Variants in EPB41L5 observed in about 807,000 individuals in gnomAD.
EPB41L5 encodes the protein erythrocyte membrane protein band 4.1 like 5, also known as band 4.1-like protein 5.
Under a neutral mutation model 106.6 loss-of-function variants are expected in EPB41L5, and 55 were observed. That is an observed-to-expected ratio of 0.52 (90% confidence interval 0.42 to 0.65). The LOEUF is 0.65. Among genes scored for constraint, EPB41L5 ranks in the 30% least tolerant of loss-of-function variants. EPB41L5 has a pLI of 0.00. For synonymous variants in EPB41L5, 297 were observed against 306.7 expected, an observed-to-expected ratio of 0.97 and a Z score of 0.33; for missense variants, 871 against 882.1, an observed-to-expected ratio of 0.99 and a Z score of 0.16.
intron 18 of EPB41L5, among the ~76,000 whole-genome samples, chr2:120,134,687 T>C (rs1685849845): frequency 6.6e-6 from 1 of 152,194 alleles, no homozygotes; most frequent in Non-Finnish European, 1.5e-5. Context: ...TACCCAAGAC[T>C]ACCAAGGCTG....
chr2:120,082,321 G>C (rs1682730992), intron 10 of EPB41L5, among the ~76,000 whole-genome samples: 2 of 152,112 alleles, frequency 1.3e-5, no homozygotes, highest in African/African-American at 4.8e-5. Flanking sequence ...TACCATGAAG[G>C]CTGTTGAATT....
chr2:120,019,305 A>G, intron 2 of EPB41L5, 41 bp downstream of exon 2: 1 of 1,562,800 alleles, frequency 6.4e-7, no homozygotes, highest in Non-Finnish European at 8.7e-7. Flanking sequence ...GTTTGCGATT[A>G]CTGTCTTTGT....
intron 16 of EPB41L5, among the ~76,000 whole-genome samples, chr2:120,109,647 G>A (rs147379402): frequency 0.012 from 1,833 of 152,166 alleles, 34 homozygotes; most frequent in Middle Eastern, 0.041. Context: ...CTACTGCATC[G>A]GTTTTCCCTT....
Position 120,070,683 on chromosome 2 carries a change from A to G in EPB41L5, c.286-2495A>G, listed in dbSNP as rs569003649. Reference sequence around the variant, plus strand: ...CCCTGGATTGCAAGGCTGGTTCAACATACGCAAATCAATAAACGTAATCCA... The same window carrying G: ...CCCTGGATTGCAAGGCTGGTTCAACGTACGCAAATCAATAAACGTAATCCA... On this transcript the variant is annotated intron_variant, in intron 3 of 24. Coordinates refer to ENST00000263713, the MANE Select transcript of EPB41L5 (RefSeq NM_020909.4). Among the ~76,000 whole-genome samples, 32 of 152,334 alleles carry G rather than the reference A, an allele frequency of 2.1e-4. 1 individual carries two copies. In the South Asian group the frequency reaches 6.4e-3, roughly 31 times the overall value.
chr2:120,054,651 G>A (rs1269335364), intron 3 of EPB41L5, among the ~76,000 whole-genome samples: 2 of 151,768 alleles, frequency 1.3e-5, no homozygotes, highest in African/African-American at 4.8e-5. Context: ...ACAGGCATCT[G>A]ATTCATTTAG....
At chr2:120,040,238 C>T (rs1679317357) in intron 2 of EPB41L5, among the ~76,000 whole-genome samples, 1 of 151,970 alleles carries the variant, frequency 6.6e-6, no homozygotes, top group Non-Finnish European at 1.5e-5. Context: ...TTGAAGAGGT[C>T]CATATAGAAT....
chr2:120,074,224 T>A, intron 5 of EPB41L5, 46 bp downstream of exon 5: 2 of 1,425,700 alleles, frequency 1.4e-6, no homozygotes, highest in Non-Finnish European at 2.0e-6. Flanking sequence ...TTGATAGTTT[T>A]GAAAGACTGT....
At chr2:120,025,914 G>A (rs538364877) in intron 2 of EPB41L5, among the ~76,000 whole-genome samples, 9 of 152,202 alleles carry the variant, frequency 5.9e-5, no homozygotes, top group Admixed American at 1.3e-4. Context: ...GTTGGTGTGC[G>A]ACTGGCACAA....
chr2:120,019,949 G>C (rs2105124084), intron 2 of EPB41L5, among the ~76,000 whole-genome samples: 1 of 151,658 alleles, frequency 6.6e-6, no homozygotes, highest in African/African-American at 2.4e-5. Context: ...ATAACTCAGT[G>C]TGAAACAATC....
intron 3 of EPB41L5, among the ~76,000 whole-genome samples, chr2:120,053,139 A>C (rs570089855): frequency 1.0e-3 from 156 of 152,264 alleles, no homozygotes; most frequent in Non-Finnish European, 2.0e-3. Context: ...ATTTGGAAAA[A>C]GGAAAGGATT....
intron 2 of EPB41L5, among the ~76,000 whole-genome samples, chr2:120,039,762 T>A (rs1679278929): frequency 6.7e-6 from 1 of 149,876 alleles, no homozygotes; most frequent in African/African-American, 2.5e-5. Context: ...GAAGCGGAGG[T>A]TTCAGTGAGC....
At chr2:120,058,846 G>A (rs1680838158) in intron 3 of EPB41L5, among the ~76,000 whole-genome samples, 1 of 152,176 alleles carries the variant, frequency 6.6e-6, no homozygotes, top group African/African-American at 2.4e-5. Context: ...ATTCTACATT[G>A]AATGGAAGAC....
chr2:120,041,486 C>T (rs1383761881), intron 2 of EPB41L5, among the ~76,000 whole-genome samples: 1 of 152,060 alleles, frequency 6.6e-6, no homozygotes, highest in Admixed American at 6.6e-5. Flanking sequence ...TCATATTCCC[C>T]GCACCTCCCA....
intron 11 of EPB41L5, among the ~76,000 whole-genome samples, chr2:120,089,306 C>T (rs1444776511): frequency 6.6e-6 from 1 of 151,888 alleles, no homozygotes; most frequent in South Asian, 2.1e-4. Context: ...TAAATAATAC[C>T]AACTAAAGTC....
chr2:120,023,152 G>T (rs1678058315), intron 2 of EPB41L5, among the ~76,000 whole-genome samples: 1 of 151,972 alleles, frequency 6.6e-6, no homozygotes, highest in African/African-American at 2.4e-5. Flanking sequence ...AGTTTCTTTT[G>T]CTGGGCAAAA....
At chr2:120,081,971 C>T (rs1001295901) in intron 10 of EPB41L5, among the ~76,000 whole-genome samples, 21 of 152,176 alleles carry the variant, frequency 1.4e-4, no homozygotes, top group Non-Finnish European at 2.9e-4. Flanking sequence ...TATACTGAGA[C>T]TTTGCTGAAG....
chr2:120,043,477 G>T (rs1383410277), intron 3 of EPB41L5, among the ~76,000 whole-genome samples: 1 of 152,020 alleles, frequency 6.6e-6, no homozygotes, highest in Non-Finnish European at 1.5e-5. Context: ...AACCCGGGAG[G>T]CAGAGGTTGC....
chr2:120,063,518 C>A (rs963625327), intron 3 of EPB41L5, among the ~76,000 whole-genome samples: 1 of 151,942 alleles, frequency 6.6e-6, no homozygotes, highest in East Asian at 1.9e-4. Context: ...AAAAAACTAC[C>A]ATATTACCCC....
chr2:120,037,615 A>AAGACCAGGCTGAGCAACAT (rs1460311613), intron 2 of EPB41L5, among the ~76,000 whole-genome samples: 4 of 152,236 alleles, frequency 2.6e-5, no homozygotes, highest in African/African-American at 9.6e-5. Context: ...CCAGGAGTTC[A>AAGACCAGGCTGAGCAACAT]AGACCAGGCT....
Sources: allele counts gnomAD v4.1 joint callset (sites outside exome capture counted in the v4.1 genomes callset), GRCh38; gene constraint gnomAD v4.1.1; transcripts MANE v1.5; gene names NCBI Gene and HGNC (gene_info 2026-07-23, HGNC 2026-07-21).